TACR1: variants seen among roughly 807,000 people sequenced by gnomAD.
TACR1 encodes substance-P receptor.
In TACR1, 25 loss-of-function variants were observed where a neutral mutation model predicts 35.8. That is an observed-to-expected ratio of 0.70 (90% CI 0.51 to 0.98). TACR1 has a LOEUF of 0.98. Among genes scored for constraint, TACR1 ranks in the 50% least tolerant of loss-of-function variants. The probability of loss-of-function intolerance (pLI) is 0.00; values close to 1 mark genes in which losing one functional copy is unlikely to be tolerated. For synonymous variants in TACR1, 195 were observed against 206.7 expected (o/e 0.94, Z 0.48); for missense variants, 478 against 522.9 (o/e 0.91, Z 0.84).
chr2:75,057,454 T>C (rs1308843516), intron 2 of TACR1, among the ~76,000 whole-genome samples: 3 of 152,184 alleles, frequency 2.0e-5, no homozygotes, highest in African/African-American at 4.8e-5. Context: ...ACAAAACCTG[T>C]TGGGTGGTCT....
intron 2 of TACR1, among the ~76,000 whole-genome samples, chr2:75,114,706 A>G (rs1335825238): frequency 6.6e-6 from 1 of 152,182 alleles, no homozygotes; most frequent in East Asian, 1.9e-4. Flanking sequence ...CTTTGATTAC[A>G]TGTAAAATCT....
intron 2 of TACR1, among the ~76,000 whole-genome samples, chr2:75,094,359 C>T (rs548833668): frequency 1.3e-5 from 2 of 152,260 alleles, no homozygotes; most frequent in South Asian, 4.1e-4. Flanking sequence ...ACCAAAGCTT[C>T]ATTTCCTTGA....
chr2:75,049,264 T>A lies in TACR1; in HGVS notation c.*168A>T. Reference sequence around the variant, plus strand: ...GAGGGTGGCAAAGATAGGGAAGAATTGAGATTTTTTGACTCAAGGATGGAA... The same window carrying A: ...GAGGGTGGCAAAGATAGGGAAGAATAGAGATTTTTTGACTCAAGGATGGAA... On this transcript the variant is annotated 3_prime_UTR_variant, in exon 5 of 5. Coordinates refer to ENST00000305249, the MANE Select transcript of TACR1 (RefSeq NM_001058.4). The A allele has an allele frequency of 1.4e-6, 1 of 718,326 alleles. No homozygotes were observed. The highest frequency in any genetic ancestry group is 2.0e-5 in the South Asian group (1 of 49,698). 44.5% of individuals were successfully genotyped at this position (718,326 alleles called of 1,614,324 possible).
At chr2:75,155,322 TTTCC>T in intron 1 of TACR1, among the ~76,000 whole-genome samples, 1 of 152,212 alleles carries the variant, frequency 6.6e-6, no homozygotes. Context: ...CTGGATTTAA[TTTCC>T]TCTCTTGCCG....
At chr2:75,163,463 C>T (rs902725623) in intron 1 of TACR1, among the ~76,000 whole-genome samples, 2 of 152,132 alleles carry the variant, frequency 1.3e-5, no homozygotes, top group African/African-American at 2.4e-5. Flanking sequence ...TTTTGTGTTT[C>T]ATAGGCATAT....
chr2:75,194,708 C>T (rs1675923579), intron 1 of TACR1, among the ~76,000 whole-genome samples: 1 of 152,200 alleles, frequency 6.6e-6, no homozygotes, highest in South Asian at 2.1e-4. Context: ...ATTACTCTCT[C>T]TGGGCAACTA....
intron 2 of TACR1, among the ~76,000 whole-genome samples, chr2:75,111,930 A>G (rs1407198532): frequency 2.6e-5 from 4 of 151,948 alleles, no homozygotes; most frequent in African/African-American, 9.7e-5. Flanking sequence ...CCACACAAAT[A>G]TGTATAAATT....
At chr2:75,137,728 C>CAAAAAAAAAAAAAA (rs11326632) in intron 1 of TACR1, among the ~76,000 whole-genome samples, 27 of 47,516 alleles carry the variant, frequency 5.7e-4, no homozygotes, top group East Asian at 3.9e-3. Flanking sequence ...GTCTCCGTCT[C>CAAAAAAAAAAAAAA]AAAAAAAAAA....
intron 1 of TACR1, chr2:75,189,311 A>T (rs72809339): frequency 1.3e-5 from 2 of 152,340 alleles, no homozygotes; most frequent in Non-Finnish European, 2.9e-5. Context: ...TCAACCCCTG[A>T]TTCCAGAACC....
intron 1 of TACR1, among the ~76,000 whole-genome samples, chr2:75,169,364 A>G (rs1558579087): frequency 6.6e-6 from 1 of 152,128 alleles, no homozygotes; most frequent in Non-Finnish European, 1.5e-5. Flanking sequence ...TGATGGTTCT[A>G]CTCTCAAAAC....
At chr2:75,068,174 G>A (rs866321357) in intron 2 of TACR1, among the ~76,000 whole-genome samples, 1 of 151,954 alleles carries the variant, frequency 6.6e-6, no homozygotes, top group Non-Finnish European at 1.5e-5. Flanking sequence ...GTGGGGGTTG[G>A]CAAGTTTAAC....
Position 75,049,465 on chromosome 2 carries a change from C to G in TACR1, c.1191G>C (p.Glu397Asp). The part of the protein sequence containing the change: ...SSRSDSKTMT[E>D]SFSFSSNVLS ...GCACATTGGAGGAGAAGCTGAAGCTCTCTGTCATGGTCTTGGAGTCACTTC... is the reference window on the plus strand; with the variant it reads ...GCACATTGGAGGAGAAGCTGAAGCTGTCTGTCATGGTCTTGGAGTCACTTC... The change falls in exon 5 of 5, where the codon GAG becomes GAC. Residue 397 changes from glutamate (E) to aspartate (D), a missense_variant. By Grantham distance (45) the Glu-to-Asp change is conservative (BLOSUM62 2). Transcript: ENST00000305249. 2 of 1,614,026 alleles carry G rather than the reference C, an allele frequency of 1.2e-6. No individual in the cohort carries two copies. Among genetic ancestry groups the G allele is most frequent in the South Asian group, 1.1e-5 (1 of 91,076 alleles).
chr2:75,114,733 A>G (rs538667498), intron 2 of TACR1, among the ~76,000 whole-genome samples: 5 of 152,330 alleles, frequency 3.3e-5, no homozygotes, highest in African/African-American at 1.2e-4. Context: ...CCTGTCAGTC[A>G]TCTCCACCTT....
At chr2:75,132,373 C>G (rs1320249559) in intron 1 of TACR1, among the ~76,000 whole-genome samples, 1 of 152,154 alleles carries the variant, frequency 6.6e-6, no homozygotes, top group Non-Finnish European at 1.5e-5. Context: ...CTCTCTTCAG[C>G]AAGTCTAATC....
At chr2:75,072,491 G>C (rs569768046) in intron 2 of TACR1, among the ~76,000 whole-genome samples, 2 of 152,360 alleles carry the variant, frequency 1.3e-5, no homozygotes, top group South Asian at 4.1e-4. Flanking sequence ...GATCGTCCAT[G>C]AGAGCATGAA....
chr2:75,150,389 G>C (rs2103963938), intron 1 of TACR1, among the ~76,000 whole-genome samples: 1 of 152,320 alleles, frequency 6.6e-6, no homozygotes, highest in East Asian at 1.9e-4. Context: ...TGTTGGGAGG[G>C]ACCCAGGGGG....
At chr2:75,053,304 TAAG>T (rs935556440) in intron 3 of TACR1, among the ~76,000 whole-genome samples, 2 of 152,048 alleles carry the variant, frequency 1.3e-5, no homozygotes, top group African/African-American at 2.4e-5. Context: ...TGTCAAACTT[TAAG>T]AAGAGGACCA....
intron 1 of TACR1, among the ~76,000 whole-genome samples, chr2:75,155,683 A>G (rs931440568): frequency 1.3e-5 from 2 of 152,244 alleles, no homozygotes; most frequent in South Asian, 2.1e-4. Context: ...GTGAAGCTAC[A>G]TTTACATTTT....
chr2:75,151,825 G>C (rs937727134), intron 1 of TACR1, among the ~76,000 whole-genome samples: 7 of 152,056 alleles, frequency 4.6e-5, no homozygotes, highest in Admixed American at 4.6e-4. Flanking sequence ...TGGGAGGGAG[G>C]CTGTACCCTG....
Sources: gnomAD v4.1 joint callset for allele counts (sites outside exome capture counted in the v4.1 genomes callset) on GRCh38, gnomAD v4.1.1 for gene constraint, MANE v1.5 for transcripts, NCBI Gene and HGNC (gene_info 2026-07-23, HGNC 2026-07-21) for gene names.